The following MFN2 variants were observed in gnomAD, a reference collection of about 807,000 sequenced individuals.
The protein encoded by MFN2 is mitofusin-2.
Under a neutral mutation model 87.5 loss-of-function variants are expected in MFN2, and 43 were observed. That is an observed-to-expected ratio of 0.49 (90% CI 0.38 to 0.63). MFN2 has a LOEUF of 0.63. Ranked by LOEUF, MFN2 falls within the 30% of genes least tolerant of loss-of-function variation. MFN2 has a pLI of 0.00. For synonymous variants in MFN2, 337 were observed against 359.9 expected (o/e 0.94, Z 0.72); for missense variants, 743 against 972.8 (o/e 0.76, Z 3.14).
chr1:12,004,540 G>T lies in MFN2; in HGVS notation c.1319G>T (p.Arg440Leu). The T allele has an allele frequency of 1.2e-6, 2 of 1,614,132 alleles. No homozygotes were observed. The highest frequency in any genetic ancestry group is 2.2e-5 in the East Asian group (1 of 44,880). ...ACTGCAATGGCCGAGGAGATCAGGC[G>T]CCTCTCTGTACTGGTGGACGATTAC... ...VSTAMAEEIR[R>L]LSVLVDDYQM... Residue 440 changes from arginine to leucine, a missense_variant, in exon 13 of 19, where the codon CGC becomes CTC. Arg to Leu is a moderately radical substitution (Grantham distance 102). Around this residue, in one of 3 missense-constraint regions of MFN2, gnomAD observed 571 missense variants for 670.7 expected, o/e 0.85. Transcript: ENST00000235329. This position sits in a 1 kb window ranked among gnomAD's most constrained non-coding sequence, Gnocchi z 4.2.
chr1:11,991,856 G>A (rs1170536068), intron 3 of MFN2, among the ~76,000 whole-genome samples: 6 of 137,628 alleles, frequency 4.4e-5, no homozygotes, highest in Admixed American at 7.5e-5. Context: ...CCCGGGAGGC[G>A]GAGCTTGCAG....
At position 12,005,759 on chromosome 1, in the gene MFN2, T is replaced by C; in HGVS notation, c.1544T>C (p.Met515Thr). The C allele has an allele frequency of 6.2e-7, 1 of 1,614,214 alleles. No homozygotes were observed. Among genetic ancestry groups the C allele is most frequent in the South Asian group, 1.1e-5 (1 of 91,080 alleles). ...GTGTCTGTGCGGAGTCAGATAGACA[T>C]GCTGGTCCCACGCCAGTGCTTCTCC... is the stretch of plus-strand genomic sequence containing the variant. The part of the protein sequence containing the change: ...LPVSVRSQID[M>T]LVPRQCFSLN... Residue 515 changes from methionine (M) to threonine (T), a missense_variant, in exon 15 of 19, where the codon ATG becomes ACG. Around this residue, in one of 3 missense-constraint regions of MFN2, gnomAD observed 571 missense variants for 670.7 expected, o/e 0.85. Transcript: ENST00000235329.
intron 3 of MFN2, chr1:11,992,177 C>T (rs1206522164): frequency 3.7e-6 from 1 of 272,004 alleles, no homozygotes; most frequent in Non-Finnish European, 7.2e-6. Context: ...AAGTATTCAT[C>T]TTCTACCAGC....
chr1:11,984,053 C>T (rs1638285558), intron 2 of MFN2, among the ~76,000 whole-genome samples: 1 of 152,212 alleles, frequency 6.6e-6, no homozygotes, highest in African/African-American at 2.4e-5. Flanking sequence ...CGGCTGAACT[C>T]CCAGCAGACC....
intron 3 of MFN2, among the ~76,000 whole-genome samples, chr1:11,989,841 C>T (rs1638598166): frequency 6.6e-6 from 1 of 152,172 alleles, no homozygotes; most frequent in Non-Finnish European, 1.5e-5. Context: ...TCACCTATGC[C>T]TTTTCTACTA....
At chr1:11,998,575 A>T (rs996295753) in intron 6 of MFN2, among the ~76,000 whole-genome samples, 195 bp from the exon 7 acceptor site, 1 of 145,964 alleles carries the variant, frequency 6.9e-6, no homozygotes, top group East Asian at 2.0e-4. Flanking sequence ...AAAACAAAAC[A>T]CTCATTTCCA....
chr1:12,000,437 G>A (rs1265763498), intron 8 of MFN2, among the ~76,000 whole-genome samples: 6 of 152,210 alleles, frequency 3.9e-5, no homozygotes, highest in South Asian at 2.1e-4. Flanking sequence ...TGATCCGCCC[G>A]CCTCGGCCTC....
intron 4 of MFN2, 103 bp downstream of exon 4, chr1:11,992,793 A>T (rs1368383607): frequency 5.1e-6 from 7 of 1,367,896 alleles, no homozygotes; most frequent in Non-Finnish European, 7.3e-6. Context: ...ATGCTTCAGA[A>T]TTCATTGCTT....
At position 12,005,820 on chromosome 1, in the gene MFN2, T is replaced by C. The variant is rs575884069; in HGVS notation, c.1605T>C (p.Ala535=). The C allele has an allele frequency of 3.7e-6, 6 of 1,614,238 alleles. No individual in the cohort carries two copies. The Admixed American group carries it at 5.0e-5, about 13-fold the overall frequency. ...ACCTAAACTGTGACAAGCTGTGTGC[T>C]GACTTCCAGGAAGACATTGAGTTCC... ...NYDLNCDKLC[A]DFQEDIEFHF... is the part of the protein sequence containing the mutation. The change falls in exon 15 of 19, where the codon GCT becomes GCC. Residue 535 remains alanine (A), a synonymous_variant. Coordinates refer to ENST00000235329, the MANE Select transcript of MFN2 (RefSeq NM_014874.4).
chr1:11,988,620 G>A (rs1638536184), intron 2 of MFN2, among the ~76,000 whole-genome samples: 1 of 151,902 alleles, frequency 6.6e-6, no homozygotes, highest in African/African-American at 2.4e-5. Flanking sequence ...CACTGCAGCC[G>A]AAACTCCTGG....
At chr1:11,999,908 C>A (rs555696094) in intron 8 of MFN2, among the ~76,000 whole-genome samples, 1 of 151,668 alleles carries the variant, frequency 6.6e-6, no homozygotes, top group Non-Finnish European at 1.5e-5. Flanking sequence ...TCCTGGCTAA[C>A]GTGGTGAAAC....
chr1:11,981,203 T>G (rs533610072), intron 1 of MFN2, among the ~76,000 whole-genome samples: 1 of 152,184 alleles, frequency 6.6e-6, no homozygotes, highest in African/African-American at 2.4e-5. Flanking sequence ...GGCAGCTCAA[T>G]GTAGTTAAAA....
At position 11,988,608 on chromosome 1, in the gene MFN2, G is replaced by A. The variant is rs116980326; in HGVS notation, c.-4-557G>A. On this transcript the variant is annotated intron_variant, in intron 2 of 18. Transcript: ENST00000235329. ...CTAGAGTGCAGTGGACTGATCATAG[G>A]TCACTGCAGCCGAAACTCCTGGGCT... Among the ~76,000 whole-genome samples the A allele has an allele frequency of 2.5e-3, 382 of 152,016 alleles. 7 individuals are homozygous for A. The East Asian group carries it at 0.043, about 17-fold the overall frequency.
intron 11 of MFN2, 22 bp downstream of exon 11, chr1:12,002,125 T>C (rs765043007): frequency 4.0e-5 from 64 of 1,613,938 alleles, no homozygotes; most frequent in Middle Eastern, 3.3e-4. Context: ...AGACTGCAGA[T>C]AGGTGGAGAG....
At chr1:11,993,591 C>T (rs564648128) in intron 4 of MFN2, among the ~76,000 whole-genome samples, 157 of 151,952 alleles carry the variant, frequency 1.0e-3, no homozygotes, top group African/African-American at 3.6e-3. Context: ...AAAAATTAGC[C>T]GGGTGAGGTG....
rs1445694373 is a variant in MFN2, at chr1:12,009,696, A to T, written c.2174A>T (p.Asp725Val). Residue 725 changes from aspartate (D) to valine (V), a missense_variant, in exon 18 of 19, where the codon GAC (aspartate) becomes GTC (valine). Physicochemically the swap from Asp to Val is radical, Grantham distance 152. This residue lies in a region of MFN2 where 571 missense variants were observed against 670.7 expected (regional missense o/e 0.85). Coordinates refer to ENST00000235329, the MANE Select transcript of MFN2 (RefSeq NM_014874.4). ...ATGAACAAGAAAATTGAGGTTCTTG[A>T]CTCACTTCAGAGCAAAGCAAAGCTG... ...AAMNKKIEVL[D>V]SLQSKAKLLR... 1 of 1,614,184 alleles carries T rather than the reference A, an allele frequency of 6.2e-7. No homozygotes were observed. Among genetic ancestry groups the T allele is most frequent in the South Asian group, 1.1e-5 (1 of 91,092 alleles).
chr1:12,011,263 G>A (rs144473256), intron 18 of MFN2, among the ~76,000 whole-genome samples: 69 of 152,342 alleles, frequency 4.5e-4, no homozygotes, highest in South Asian at 1.0e-3. Flanking sequence ...CACAGGGCTT[G>A]AGAATCAGAA....
intron 2 of MFN2, among the ~76,000 whole-genome samples, chr1:11,987,356 G>A (rs551212292): frequency 7.4e-4 from 111 of 150,386 alleles, no homozygotes; most frequent in African/African-American, 2.6e-3. Context: ...TGGGCCGGGC[G>A]TGGTGGCTCA....
intron 15 of MFN2, 31 bp downstream of exon 15, chr1:12,005,962 G>T: frequency 1.9e-6 from 3 of 1,602,542 alleles, no homozygotes; most frequent in Non-Finnish European, 2.6e-6. Flanking sequence ...CAAGGGCATT[G>T]TGGGGGGTCA....
Sources: allele counts gnomAD v4.1 joint callset (sites outside exome capture counted in the v4.1 genomes callset), GRCh38; gene constraint gnomAD v4.1.1; regional missense constraint gnomAD v4.1.1; non-coding constraint Gnocchi (gnomAD v3.1); transcripts MANE v1.5; gene names NCBI Gene and HGNC (gene_info 2026-07-23, HGNC 2026-07-21).